The following PDK1 variants were observed in gnomAD, a reference collection of about 807,000 sequenced individuals.
The protein encoded by PDK1 is pyruvate dehydrogenase kinase 1.
PDK1 carries 39 observed loss-of-function variants against 54.2 expected under a neutral mutation model. The ratio of observed to expected loss-of-function variants is 0.72; its 90% confidence interval spans 0.56 to 0.94. The LOEUF (loss-of-function observed/expected upper bound fraction) is 0.94, where lower values mean the gene tolerates loss of function less well. PDK1 is among the 40% of genes least tolerant of loss of function. PDK1 has a pLI of 0.00. For missense variants in PDK1, 552 were observed against 566.0 expected (o/e 0.98, Z 0.25); for synonymous variants, 221 against 207.1 (o/e 1.07, Z -0.58).
intron 8 of PDK1, 38 bp downstream of exon 8, chr2:172,570,862 T>TG (rs745893888): frequency 1.1e-5 from 13 of 1,206,198 alleles, no homozygotes; most frequent in Admixed American, 3.8e-5. Flanking sequence ...TTTTTTTTTT[T>TG]TTGTAATTGA....
the PDK1 span, among the ~76,000 whole-genome samples, chr2:172,661,830 C>A: frequency 3.9e-5 from 6 of 152,100 alleles, no homozygotes; most frequent in Non-Finnish European, 5.9e-5. Flanking sequence ...GGGGCAGGGG[C>A]TGATAAACTA....
At chr2:172,623,824 T>C in the PDK1 span, among the ~76,000 whole-genome samples, 1 of 152,226 alleles carries the variant, frequency 6.6e-6, no homozygotes, top group Non-Finnish European at 1.5e-5. Context: ...GTCATCATAC[T>C]TCATAGGATA....
In PDK1 at chr2:172,599,471, G is replaced by A. The variant is rs1691039203; in HGVS notation, c.*3502G>A. Reference sequence around the variant, plus strand: ...ATGTAAGTGTGAAGTTTCTACATATGGGTAATCAGGGTTGAGTTAGGTAGT... The same window carrying A: ...ATGTAAGTGTGAAGTTTCTACATATAGGTAATCAGGGTTGAGTTAGGTAGT... On this transcript the variant is annotated 3_prime_UTR_variant, in exon 11 of 11. Coordinates refer to ENST00000282077, the MANE Select transcript of PDK1 (RefSeq NM_002610.5). The A allele has an allele frequency of 1.3e-5, 2 of 152,130 alleles. No homozygotes were observed. Among genetic ancestry groups the A allele is most frequent in the African/African-American group, 4.8e-5 (2 of 41,424 alleles). The allele number at this position is 152,130 out of a possible 1,614,324, so 9.4% of individuals were successfully genotyped here. A position where few individuals can be genotyped will look rare whatever the true frequency, so the allele number is the denominator to read the frequency against.
the PDK1 span, among the ~76,000 whole-genome samples, chr2:172,699,452 T>A: frequency 6.6e-6 from 1 of 151,120 alleles, no homozygotes; most frequent in African/African-American, 2.4e-5. Context: ...TGAAGACACC[T>A]GATTTTGAGT....
At chr2:172,649,966 C>T in the PDK1 span, among the ~76,000 whole-genome samples, 1 of 152,220 alleles carries the variant, frequency 6.6e-6, no homozygotes, top group South Asian at 2.1e-4. Flanking sequence ...GGCCAACATT[C>T]AAATTTAGGA....
chr2:172,616,210 T>C, the PDK1 span, among the ~76,000 whole-genome samples: 1 of 152,222 alleles, frequency 6.6e-6, no homozygotes, highest in East Asian at 1.9e-4. Context: ...TTTGTAAAGT[T>C]ATACATTGAA....
At chr2:172,667,935 A>G in the PDK1 span, among the ~76,000 whole-genome samples, 1 of 152,232 alleles carries the variant, frequency 6.6e-6, no homozygotes, top group Non-Finnish European at 1.5e-5. Flanking sequence ...ATGCATTGTT[A>G]TCCAGTAAGA....
At chr2:172,678,147 G>A in the PDK1 span, among the ~76,000 whole-genome samples, 1 of 152,110 alleles carries the variant, frequency 6.6e-6, no homozygotes, top group Non-Finnish European at 1.5e-5. Context: ...TCCAGCCTGG[G>A]TGACAGAGGG....
chr2:172,600,803 T>G lies in PDK1; in HGVS notation c.*4834T>G, dbSNP rs144291234. ...TAGCTTTTTATCAGCTCTTATCCCA[T>G]TCCTTGACCACATAGGCTCTTAGAC... On this transcript the variant is annotated 3_prime_UTR_variant, in exon 11 of 11. Coordinates refer to ENST00000282077, the MANE Select transcript of PDK1 (RefSeq NM_002610.5). 4.5e-4 allele frequency: 69 copies of G among 152,336 alleles called. No individual in the cohort carries two copies. The highest frequency in any genetic ancestry group is 1.6e-3 in the African/African-American group (67 of 41,560). 9.4% of individuals were successfully genotyped at this position (152,336 alleles called of 1,614,324 possible).
chr2:172,611,057 G>A (rs777865072), downstream of PDK1, among the ~76,000 whole-genome samples: 8 of 152,172 alleles, frequency 5.3e-5, no homozygotes, highest in Non-Finnish European at 7.3e-5. Context: ...TGAAATATTT[G>A]TGTGGATCTT....
At chr2:172,639,791 C>T in the PDK1 span, among the ~76,000 whole-genome samples, 2 of 152,088 alleles carry the variant, frequency 1.3e-5, no homozygotes, top group East Asian at 1.9e-4. Context: ...CATGGGTTCT[C>T]GCTCTCCAAA....
At chr2:172,564,148 TC>T (rs1688810168) in intron 3 of PDK1, 1 of 477,938 alleles carries the variant, frequency 2.1e-6, no homozygotes, top group African/African-American at 2.0e-5. Flanking sequence ...CTTTGTCTCC[TC>T]CTATGCAGAA....
At chr2:172,594,163 G>A (rs1041482578) in intron 10 of PDK1, among the ~76,000 whole-genome samples, 6 of 151,196 alleles carry the variant, frequency 4.0e-5, no homozygotes, top group Admixed American at 6.6e-5. Context: ...TCAGCCTTCC[G>A]AATAGCTGGG....
At chr2:172,682,562 A>T in the PDK1 span, among the ~76,000 whole-genome samples, 1 of 152,224 alleles carries the variant, frequency 6.6e-6, no homozygotes, top group Non-Finnish European at 1.5e-5. Context: ...CCTCCTCTGC[A>T]TGCAGGTGTG....
chr2:172,584,048 T>C (rs1690071641), intron 8 of PDK1, among the ~76,000 whole-genome samples: 1 of 152,212 alleles, frequency 6.6e-6, no homozygotes, highest in Admixed American at 6.5e-5. Context: ...TAAATTTGAT[T>C]TGCCATACTG....
the PDK1 span, among the ~76,000 whole-genome samples, chr2:172,666,849 T>C: frequency 6.6e-6 from 1 of 152,218 alleles, no homozygotes; most frequent in Non-Finnish European, 1.5e-5. Context: ...GATACATTAG[T>C]TCTTTGGAGA....
At chr2:172,556,484 C>T in intron 1 of PDK1, 138 bp downstream of exon 1, 1 of 546,296 alleles carries the variant, frequency 1.8e-6, no homozygotes, top group Non-Finnish European at 2.9e-6. Flanking sequence ...GCCCCCAGCG[C>T]CTTAGGTGCT....
chr2:172,614,729 TG>T, the PDK1 span, among the ~76,000 whole-genome samples: 2 of 152,216 alleles, frequency 1.3e-5, no homozygotes, highest in African/African-American at 4.8e-5. Flanking sequence ...ACCCTTCACT[TG>T]TCTGCATACC....
the PDK1 span, among the ~76,000 whole-genome samples, chr2:172,702,876 C>T: frequency 2.8e-4 from 42 of 152,202 alleles, no homozygotes; most frequent in African/African-American, 6.5e-4. Flanking sequence ...TTTCTGTGTA[C>T]GCTGATTTTA....
Sources: gnomAD v4.1 joint callset for allele counts (sites outside exome capture counted in the v4.1 genomes callset) on GRCh38, gnomAD v4.1.1 for gene constraint, MANE v1.5 for transcripts, NCBI Gene and HGNC (gene_info 2026-07-23, HGNC 2026-07-21) for gene names.